LRRC8D: variants seen among roughly 807,000 people sequenced by gnomAD.
The protein encoded by LRRC8D is leucine rich repeat containing 8 VRAC subunit D.
LRRC8D carries 20 observed loss-of-function variants against 55.8 expected under a neutral mutation model. The observed-to-expected ratio is 0.36, with a 90% CI of 0.25 to 0.52. The LOEUF (loss-of-function observed/expected upper bound fraction) is 0.52. Among genes scored for constraint, LRRC8D ranks in the 20% least tolerant of loss-of-function variants. LRRC8D has a pLI of 0.93. For synonymous variants in LRRC8D, 352 were observed against 377.0 expected (o/e 0.93, Z 0.77); for missense variants, 651 against 1,030.8 (o/e 0.63, Z 5.05).
chr1:89,917,851 C>T (rs1663313171), intron 2 of LRRC8D, among the ~76,000 whole-genome samples: 1 of 152,158 alleles, frequency 6.6e-6, no homozygotes, highest in African/African-American at 2.4e-5. Flanking sequence ...TAACCTTTCA[C>T]TGCATGGCAA....
At chr1:89,839,938 A>C (rs1043215685) in intron 1 of LRRC8D, among the ~76,000 whole-genome samples, 4 of 152,260 alleles carry the variant, frequency 2.6e-5, no homozygotes, top group Non-Finnish European at 2.9e-5. Flanking sequence ...AAAGATAAGC[A>C]GCATTGTTTT....
At chr1:89,834,077 A>G (rs1415499681) in intron 1 of LRRC8D, among the ~76,000 whole-genome samples, 2 of 152,232 alleles carry the variant, frequency 1.3e-5, no homozygotes, top group African/African-American at 4.8e-5. Flanking sequence ...GGGTTTGTTC[A>G]TTAGAATTTT....
intron 2 of LRRC8D, among the ~76,000 whole-genome samples, chr1:89,932,805 A>G (rs1490342540): frequency 6.6e-6 from 1 of 152,206 alleles, no homozygotes; most frequent in Admixed American, 6.5e-5. Context: ...AAGGTCCACT[A>G]AGTAACCACT....
chr1:89,839,322 C>G (rs1661077099), intron 1 of LRRC8D, among the ~76,000 whole-genome samples: 1 of 152,110 alleles, frequency 6.6e-6, no homozygotes, highest in South Asian at 2.1e-4. Context: ...TGTTTGGAAG[C>G]TGAGGAAATT....
intron 1 of LRRC8D, among the ~76,000 whole-genome samples, chr1:89,842,293 G>A (rs1055179964): frequency 1.1e-4 from 17 of 151,656 alleles, no homozygotes; most frequent in Non-Finnish European, 2.5e-4. Context: ...TTTATAATCA[G>A]GAAAGACCTG....
chr1:89,823,771 G>A (rs1332528381), intron 1 of LRRC8D, among the ~76,000 whole-genome samples: 1 of 152,220 alleles, frequency 6.6e-6, no homozygotes, highest in African/African-American at 2.4e-5. Flanking sequence ...AGGCACACAT[G>A]AGGATGCCAG....
At chr1:89,866,690 T>G (rs1661857562) in intron 2 of LRRC8D, among the ~76,000 whole-genome samples, 1 of 152,214 alleles carries the variant, frequency 6.6e-6, no homozygotes, top group Non-Finnish European at 1.5e-5. Context: ...AGCTTTGTTT[T>G]CTGGTCTCAC....
intron 1 of LRRC8D, among the ~76,000 whole-genome samples, chr1:89,838,196 TAAAA>T (rs202026062): frequency 6.3e-5 from 5 of 79,980 alleles, no homozygotes; most frequent in Middle Eastern, 8.8e-3. Context: ...CCCTGTCCCT[TAAAA>T]AAAAAAAAAA....
intron 2 of LRRC8D, among the ~76,000 whole-genome samples, chr1:89,884,941 A>G (rs1250968808): frequency 6.6e-6 from 1 of 152,172 alleles, no homozygotes; most frequent in African/African-American, 2.4e-5. Flanking sequence ...AGTCCCACTG[A>G]TATCATGCTT....
intron 2 of LRRC8D, among the ~76,000 whole-genome samples, chr1:89,850,134 C>T (rs956655831): frequency 1.3e-5 from 2 of 152,178 alleles, no homozygotes; most frequent in Admixed American, 1.3e-4. Context: ...TATTTGCCAA[C>T]TAGTACATTC....
At chr1:89,875,477 T>C (rs552360949) in intron 2 of LRRC8D, among the ~76,000 whole-genome samples, 1 of 152,310 alleles carries the variant, frequency 6.6e-6, no homozygotes, top group East Asian at 1.9e-4. Context: ...ATGAGTCTGA[T>C]AAGCATGTGT....
At chr1:89,894,050 T>A (rs1281757436) in intron 2 of LRRC8D, among the ~76,000 whole-genome samples, 1 of 152,166 alleles carries the variant, frequency 6.6e-6, no homozygotes, top group Non-Finnish European at 1.5e-5. Flanking sequence ...GGTAGGGCCT[T>A]TGGAAAGTAA....
intron 2 of LRRC8D, among the ~76,000 whole-genome samples, chr1:89,929,331 G>A (rs547436142): frequency 1.3e-5 from 2 of 152,324 alleles, no homozygotes; most frequent in South Asian, 2.1e-4. Flanking sequence ...AGGAAACAAA[G>A]TGTTGGAGAG....
intron 2 of LRRC8D, among the ~76,000 whole-genome samples, chr1:89,866,096 T>C (rs534884275): frequency 5.9e-5 from 9 of 152,256 alleles, no homozygotes; most frequent in Non-Finnish European, 1.3e-4. Context: ...TCATTTGACC[T>C]TCCCTTGGTG....
At chr1:89,908,952 C>T (rs1447927804) in intron 2 of LRRC8D, among the ~76,000 whole-genome samples, 3 of 152,130 alleles carry the variant, frequency 2.0e-5, no homozygotes, top group Non-Finnish European at 2.9e-5. Flanking sequence ...ATACCCTCAA[C>T]GTGTTCCTTG....
chr1:89,824,175 A>G (rs542712505), intron 1 of LRRC8D, among the ~76,000 whole-genome samples: 1 of 152,306 alleles, frequency 6.6e-6, no homozygotes, highest in Admixed American at 6.5e-5. Context: ...CTCCTAAACA[A>G]AGAATGATCC....
chr1:89,859,948 A>G (rs992886408), intron 2 of LRRC8D, among the ~76,000 whole-genome samples: 3 of 152,228 alleles, frequency 2.0e-5, no homozygotes, highest in Non-Finnish European at 1.5e-5. Flanking sequence ...TTAGAACTTA[A>G]CTCTAGATGA....
intron 1 of LRRC8D, among the ~76,000 whole-genome samples, chr1:89,829,195 C>T (rs1475801568): frequency 3.3e-5 from 5 of 152,072 alleles, no homozygotes; most frequent in Non-Finnish European, 7.4e-5. Context: ...TTTTTGTTTT[C>T]GTATTTAACT....
intron 2 of LRRC8D, among the ~76,000 whole-genome samples, chr1:89,901,976 C>G (rs1662867159): frequency 6.6e-6 from 1 of 152,194 alleles, no homozygotes; most frequent in Non-Finnish European, 1.5e-5. Context: ...CTGTACTGGC[C>G]TCATGTGTGC....
Sources: gnomAD v4.1 joint callset for allele counts (sites outside exome capture counted in the v4.1 genomes callset) on GRCh38, gnomAD v4.1.1 for gene constraint, MANE v1.5 for transcripts, NCBI Gene and HGNC (gene_info 2026-07-23, HGNC 2026-07-21) for gene names.